TOX: variants seen among roughly 807,000 people sequenced by gnomAD.
TOX encodes thymocyte selection-associated high mobility group box protein TOX.
In TOX, 11 loss-of-function variants were observed where a neutral mutation model predicts 53.7. The observed-to-expected ratio is 0.20, with a 90% confidence interval of 0.13 to 0.34. The LOEUF is 0.34. Among genes scored for constraint, TOX ranks in the 10% least tolerant of loss-of-function variants. The pLI is 1.00. For missense variants in TOX, 570 were observed against 664.6 expected, an observed-to-expected ratio of 0.86 and a Z score of 1.56; for synonymous variants, 225 against 245.3, an observed-to-expected ratio of 0.92 and a Z score of 0.77.
At chr8:58,887,028 T>C (rs1811480233) in intron 3 of TOX, among the ~76,000 whole-genome samples, 1 of 151,878 alleles carries the variant, frequency 6.6e-6, no homozygotes, top group African/African-American at 2.4e-5. Flanking sequence ...AAGTATCCTT[T>C]GAATACTATT....
At chr8:59,109,646 G>C (rs1453492617) in intron 1 of TOX, among the ~76,000 whole-genome samples, 2 of 152,120 alleles carry the variant, frequency 1.3e-5, no homozygotes, top group Non-Finnish European at 2.9e-5. Context: ...AGCACATTAT[G>C]TGAACTTTAC....
In TOX at chr8:59,039,992, C is replaced by T. The variant is rs566466118; in HGVS notation, c.102+78894G>A. 2.5e-4 allele frequency among the ~76,000 whole-genome samples: 38 copies of T among 152,134 alleles called. 1 individual carries two copies. The highest frequency in any genetic ancestry group is 2.2e-3 in the Admixed American group (33 of 15,284). On this transcript the variant is annotated intron_variant, in intron 1 of 8. Coordinates refer to ENST00000361421, the MANE Select transcript of TOX (RefSeq NM_014729.3). ...ATGTTCCTTGCTTAACAGAAATTCA[C>T]GGAGAATTTCAAATGTGAAAAATAA...
At chr8:58,893,550 G>T (rs981879400) in intron 3 of TOX, among the ~76,000 whole-genome samples, 1 of 152,140 alleles carries the variant, frequency 6.6e-6, no homozygotes, top group Non-Finnish European at 1.5e-5. Flanking sequence ...TCATTAATTT[G>T]TTATAAGTTC....
chr8:59,085,122 T>C (rs746001202), intron 1 of TOX, among the ~76,000 whole-genome samples: 1 of 152,196 alleles, frequency 6.6e-6, no homozygotes, highest in Non-Finnish European at 1.5e-5. Context: ...CTATAGCACT[T>C]ACCAAAACAG....
intron 5 of TOX, 84 bp downstream of exon 5, chr8:58,837,997 T>C: frequency 7.6e-7 from 1 of 1,322,034 alleles, no homozygotes; most frequent in Non-Finnish European, 1.1e-6. Flanking sequence ...ATCTAAAGAA[T>C]TTACCCCAAG....
At chr8:58,987,471 T>C (rs564821401) in intron 1 of TOX, among the ~76,000 whole-genome samples, 9 of 152,188 alleles carry the variant, frequency 5.9e-5, no homozygotes, top group Non-Finnish European at 1.3e-4. Flanking sequence ...TCGTTTGTAA[T>C]ATAGATGGCA....
chr8:59,099,079 G>A (rs896540219), intron 1 of TOX, among the ~76,000 whole-genome samples: 1 of 152,118 alleles, frequency 6.6e-6, no homozygotes, highest in Non-Finnish European at 1.5e-5. Flanking sequence ...AAAGACAACA[G>A]CATTAGATTT....
intron 1 of TOX, among the ~76,000 whole-genome samples, chr8:59,026,891 A>G (rs1814250787): frequency 8.2e-6 from 1 of 121,486 alleles, no homozygotes; most frequent in Admixed American, 8.6e-5. Context: ...AAAGAGAAAG[A>G]GAGAGAAAGG....
At chr8:58,829,417 A>G (rs979711142) in intron 5 of TOX, among the ~76,000 whole-genome samples, 8 of 152,198 alleles carry the variant, frequency 5.3e-5, no homozygotes, top group Non-Finnish European at 7.4e-5. Context: ...GGATCATCGC[A>G]TAAGTGCCTA....
intron 1 of TOX, among the ~76,000 whole-genome samples, chr8:59,026,597 A>G (rs1006646741): frequency 6.6e-6 from 1 of 152,140 alleles, no homozygotes; most frequent in African/African-American, 2.4e-5. Context: ...AGAATCCACT[A>G]TTATTGTCAG....
In TOX at chr8:58,851,098, G is replaced by C; in HGVS notation, c.693+426C>G. Among the ~76,000 whole-genome samples, 1 of 150,662 alleles carries C rather than the reference G, an allele frequency of 6.6e-6. No individual in the cohort carries two copies. Among genetic ancestry groups the C allele is most frequent in the Middle Eastern group, 3.2e-3 (1 of 316 alleles). On this transcript the variant is annotated intron_variant, in intron 4 of 8. Coordinates refer to ENST00000361421, the MANE Select transcript of TOX (RefSeq NM_014729.3). This position sits in a 1 kb window ranked among gnomAD's most constrained non-coding sequence, Gnocchi z 4.4. ...CCACGTCCTCAATATGAAATGGTTG[G>C]GTCAGGTGGCCACAAAGGTTTCATG...
At chr8:58,893,989 G>A (rs1811600602) in intron 3 of TOX, among the ~76,000 whole-genome samples, 1 of 152,146 alleles carries the variant, frequency 6.6e-6, no homozygotes, top group Non-Finnish European at 1.5e-5. Flanking sequence ...TAAAAATAAA[G>A]ATCACTTTTT....
intron 3 of TOX, among the ~76,000 whole-genome samples, chr8:58,879,239 A>C (rs1213447553): frequency 2.0e-5 from 3 of 152,186 alleles, no homozygotes; most frequent in African/African-American, 2.4e-5. Context: ...AAACCATATT[A>C]GACTACTGGC....
At chr8:59,014,426 A>G (rs746507024) in intron 1 of TOX, among the ~76,000 whole-genome samples, 3 of 152,180 alleles carry the variant, frequency 2.0e-5, no homozygotes, top group Non-Finnish European at 4.4e-5. Flanking sequence ...CTGAGTGTTG[A>G]GCTTTTTTTA....
chr8:58,985,000 T>G (rs1813299803), intron 1 of TOX, among the ~76,000 whole-genome samples: 1 of 150,858 alleles, frequency 6.6e-6, no homozygotes, highest in Non-Finnish European at 1.5e-5. Context: ...ACTGAGTCTA[T>G]ATAGACTATG....
chr8:59,000,420 T>C (rs560966003), intron 1 of TOX, among the ~76,000 whole-genome samples: 1 of 152,150 alleles, frequency 6.6e-6, no homozygotes, highest in Non-Finnish European at 1.5e-5. Flanking sequence ...TTAAAGTTCA[T>C]TGGGAAAAAA....
chr8:58,960,173 T>C (rs1294667602), intron 1 of TOX, among the ~76,000 whole-genome samples, 165 bp from the exon 2 acceptor site: 2 of 152,204 alleles, frequency 1.3e-5, no homozygotes, highest in Non-Finnish European at 2.9e-5. Flanking sequence ...AGCCACATCT[T>C]TGATGTTTCT....
intron 1 of TOX, among the ~76,000 whole-genome samples, chr8:59,001,370 C>T (rs757205342): frequency 1.3e-5 from 2 of 152,192 alleles, no homozygotes; most frequent in African/African-American, 2.4e-5. Context: ...ATCTCCCTTA[C>T]TTCCTACTAA....
intron 1 of TOX, among the ~76,000 whole-genome samples, chr8:59,031,271 T>G (rs1385868531): frequency 7.2e-5 from 11 of 152,244 alleles, no homozygotes; most frequent in Admixed American, 6.5e-4. Context: ...ATTGTTTATG[T>G]GTTGGTTACT....
Sources: allele counts gnomAD v4.1 joint callset (sites outside exome capture counted in the v4.1 genomes callset), GRCh38; gene constraint gnomAD v4.1.1; non-coding constraint Gnocchi (gnomAD v3.1); transcripts MANE v1.5; gene names NCBI Gene and HGNC (gene_info 2026-07-23, HGNC 2026-07-21).